ACYP2: variants seen among roughly 807,000 people sequenced by gnomAD.
ACYP2 encodes the protein acylphosphatase 2, also known as acylphosphatase-2.
A neutral mutation model predicts 11.2 loss-of-function variants in ACYP2; 12 were observed. That is an observed-to-expected ratio of 1.08 (90% confidence interval 0.69 to 1.74). ACYP2 has a LOEUF of 1.74. Among genes scored for constraint, ACYP2 ranks in the 40% most tolerant of loss-of-function variants. The pLI is 0.00. For synonymous variants in ACYP2, 43 were observed against 32.2 expected (o/e 1.33, Z -1.13); for missense variants, 134 against 101.9 (o/e 1.31, Z -1.35).
intron 2 of ACYP2, among the ~76,000 whole-genome samples, chr2:53,990,914 A>C (rs1026610472): frequency 6.6e-6 from 1 of 151,608 alleles, no homozygotes; most frequent in Non-Finnish European, 1.5e-5. Flanking sequence ...CTCCTGCCTC[A>C]GCCTCCCGAG....
intron 2 of ACYP2, among the ~76,000 whole-genome samples, chr2:53,992,100 TTCCC>T (rs1196740648): frequency 1.4e-5 from 2 of 148,056 alleles, no homozygotes; most frequent in South Asian, 2.2e-4. Flanking sequence ...TCCTTCCTCC[TTCCC>T]TCCCTCCCTC....
chr2:54,225,630 CT>C (rs1448257106), intron 6 of ACYP2, among the ~76,000 whole-genome samples: 3 of 152,036 alleles, frequency 2.0e-5, no homozygotes, highest in African/African-American at 7.2e-5. Flanking sequence ...TTAACTTCGT[CT>C]TTTGTATTCA....
At chr2:54,301,569 A>G (rs1689729688) in intron 6 of ACYP2, among the ~76,000 whole-genome samples, 1 of 152,172 alleles carries the variant, frequency 6.6e-6, no homozygotes, top group South Asian at 2.1e-4. Flanking sequence ...GTCCTACTTA[A>G]ATATTTACTG....
At chr2:53,990,653 A>C (rs1672244175) in intron 2 of ACYP2, among the ~76,000 whole-genome samples, 1 of 133,858 alleles carries the variant, frequency 7.5e-6, no homozygotes, top group Non-Finnish European at 1.6e-5. Context: ...CCGTCTTACC[A>C]AAAAAAAAAA....
intron 6 of ACYP2, among the ~76,000 whole-genome samples, chr2:54,200,184 C>A (rs1684696828): frequency 6.6e-6 from 1 of 152,082 alleles, no homozygotes; most frequent in Non-Finnish European, 1.5e-5. Context: ...AGCTGTGTGT[C>A]CTTGGGCTAA....
intron 4 of ACYP2, among the ~76,000 whole-genome samples, chr2:54,090,320 C>T (rs1380742639): frequency 3.3e-5 from 5 of 151,830 alleles, no homozygotes. Context: ...TGAAACTGGG[C>T]TACTTGGCAT....
intron 4 of ACYP2, among the ~76,000 whole-genome samples, chr2:54,127,345 C>A (rs1336734160): frequency 6.6e-6 from 1 of 152,136 alleles, no homozygotes; most frequent in Admixed American, 6.5e-5. Flanking sequence ...AACAACAACA[C>A]CGTTATATGT....
At chr2:54,028,721 T>A (rs1674427753) in intron 2 of ACYP2, among the ~76,000 whole-genome samples, 1 of 152,176 alleles carries the variant, frequency 6.6e-6, no homozygotes, top group African/African-American at 2.4e-5. Flanking sequence ...AAATACCATT[T>A]ACTACTCTCC....
intron 6 of ACYP2, among the ~76,000 whole-genome samples, chr2:54,158,273 C>G (rs1682530163): frequency 6.6e-6 from 1 of 151,428 alleles, no homozygotes; most frequent in Admixed American, 6.6e-5. Flanking sequence ...AATTCCTGAC[C>G]TCGGGTGATC....
At position 54,267,220 on chromosome 2, in the gene ACYP2, C is replaced by A. The variant is rs1415849776; in HGVS notation, c.405-37468C>A. On this transcript the variant is annotated intron_variant, in intron 6 of 6. Transcript: ENST00000607452. ...TGTTTTTTAGGGGCCTATAAAAGTG[C>A]CTGGCACAAAGAAGCTCCCAATAAA... The A allele has an allele frequency of 7.4e-6, 11 of 1,487,052 alleles. No homozygotes were observed. The Admixed American group carries it at 2.1e-4, about 28-fold the overall frequency. 92.1% of individuals were successfully genotyped at this position (1,487,052 alleles called of 1,614,324 possible).
rs868847990 is a variant in ACYP2, at chr2:54,096,706, G to T, written c.278-38747G>T. 2.0e-5 allele frequency among the ~76,000 whole-genome samples: 3 copies of T among 152,266 alleles called. No individual in the cohort carries two copies. The South Asian group carries it at 6.2e-4, about 32-fold the overall frequency. On this transcript the variant is annotated intron_variant, in intron 4 of 6. Transcript: ENST00000607452. ...AAACCAGTCAGGTGTGGCGGCGCGCGCCTGCAATCACAGGCACTCGGCAGG... is the reference window on the plus strand; with the variant it reads ...AAACCAGTCAGGTGTGGCGGCGCGCTCCTGCAATCACAGGCACTCGGCAGG...
chr2:54,012,633 G>C (rs1220370826), intron 2 of ACYP2, among the ~76,000 whole-genome samples: 1 of 152,028 alleles, frequency 6.6e-6, no homozygotes, highest in Non-Finnish European at 1.5e-5. Flanking sequence ...CCAGAATCTG[G>C]TGACTCCTCT....
chr2:54,032,161 T>C (rs1674618618), intron 2 of ACYP2, among the ~76,000 whole-genome samples: 1 of 152,238 alleles, frequency 6.6e-6, no homozygotes, highest in South Asian at 2.1e-4. Context: ...TTGGCTTTTG[T>C]TGCCATTGCT....
chr2:54,222,041 A>G (rs1232567991), intron 6 of ACYP2, among the ~76,000 whole-genome samples: 1 of 152,150 alleles, frequency 6.6e-6, no homozygotes, highest in Non-Finnish European at 1.5e-5. Flanking sequence ...ACACATATTT[A>G]TTGAGCCCTT....
chr2:54,109,617 T>A (rs1254964656), intron 4 of ACYP2, among the ~76,000 whole-genome samples: 1 of 152,166 alleles, frequency 6.6e-6, no homozygotes, highest in Non-Finnish European at 1.5e-5. Flanking sequence ...AAATGGTGAA[T>A]CTGCTCATGC....
At chr2:54,092,898 C>A (rs1390451816) in intron 4 of ACYP2, among the ~76,000 whole-genome samples, 1 of 152,134 alleles carries the variant, frequency 6.6e-6, no homozygotes, top group Non-Finnish European at 1.5e-5. Context: ...TTAGAATTGT[C>A]CTCAGCCAAA....
chr2:54,145,613 C>CT (rs1047796703), intron 6 of ACYP2, among the ~76,000 whole-genome samples: 26 of 151,522 alleles, frequency 1.7e-4, no homozygotes, highest in Middle Eastern at 3.4e-3. Context: ...ATTCCTCCAA[C>CT]TTTTTTTTTG....
intron 2 of ACYP2, among the ~76,000 whole-genome samples, chr2:53,978,579 C>A: frequency 6.6e-6 from 1 of 152,114 alleles, no homozygotes; most frequent in South Asian, 2.1e-4. Flanking sequence ...TACTACACTT[C>A]CAGTTTGTAT....
chr2:53,998,684 C>T (rs1448698737), intron 2 of ACYP2, among the ~76,000 whole-genome samples: 3 of 151,990 alleles, frequency 2.0e-5, no homozygotes, highest in African/African-American at 7.2e-5. Flanking sequence ...GGCATGGTGG[C>T]CTCCACCTGT....
Sources: gnomAD v4.1 joint callset for allele counts (sites outside exome capture counted in the v4.1 genomes callset) on GRCh38, gnomAD v4.1.1 for gene constraint, MANE v1.5 for transcripts, NCBI Gene and HGNC (gene_info 2026-07-23, HGNC 2026-07-21) for gene names.